Variants in SLC15A1 observed in about 807,000 individuals in gnomAD.
SLC15A1 encodes the protein solute carrier family 15 member 1.
Under a neutral mutation model 92.9 loss-of-function variants are expected in SLC15A1, and 83 were observed. The ratio of observed to expected loss-of-function variants is 0.89; its 90% CI spans 0.75 to 1.07. SLC15A1 has a LOEUF of 1.07. SLC15A1 is among the 50% of genes least tolerant of loss of function. SLC15A1 has a pLI of 0.00. For synonymous variants in SLC15A1, 322 were observed against 318.2 expected (o/e 1.01, Z -0.13); for missense variants, 857 against 880.1 (o/e 0.97, Z 0.33).
intron 18 of SLC15A1, among the ~76,000 whole-genome samples, chr13:98,694,901 A>G (rs951835863): frequency 3.3e-5 from 5 of 151,308 alleles, no homozygotes; most frequent in Non-Finnish European, 5.9e-5. Context: ...GGTGGCATGC[A>G]CCTGTAGTCC....
At chr13:98,710,521 A>C (rs2088152691) in intron 11 of SLC15A1, among the ~76,000 whole-genome samples, 1 of 152,188 alleles carries the variant, frequency 6.6e-6, no homozygotes, top group Non-Finnish European at 1.5e-5. Context: ...ACATCATAGA[A>C]AGTCAGGAAA....
rs181820575 is a variant in SLC15A1, at chr13:98,702,960, C to A, written c.1417-431G>T. Among the ~76,000 whole-genome samples the A allele has an allele frequency of 2.9e-4, 29 of 100,892 alleles. No homozygotes were observed. The East Asian group carries it at 6.3e-3, about 22-fold the overall frequency. 66.2% of individuals were successfully genotyped at this position (100,892 alleles called of 152,430 possible). A position where few individuals can be genotyped will look rare whatever the true frequency, so the allele number is the denominator to read the frequency against. ...TCCAGATGGTGCAACAGGGGGAGAT[C>A]CTGTCTCAAAAAAAAAAAAAAAAAA... On this transcript the variant is annotated intron_variant, in intron 17 of 22. Coordinates refer to ENST00000376503, the MANE Select transcript of SLC15A1 (RefSeq NM_005073.4).
chr13:98,709,369 G>C (rs2088142155), intron 14 of SLC15A1, among the ~76,000 whole-genome samples: 1 of 152,180 alleles, frequency 6.6e-6, no homozygotes, highest in African/African-American at 2.4e-5. Context: ...CTTGATTAAA[G>C]GCCTTTTCAG....
chr13:98,714,782 AT>A (rs201513125), intron 9 of SLC15A1, among the ~76,000 whole-genome samples: 184 of 151,378 alleles, frequency 1.2e-3, no homozygotes, highest in Middle Eastern at 6.8e-3. Flanking sequence ...CACACATGTG[AT>A]TTTTTTTTAA....
intron 18 of SLC15A1, among the ~76,000 whole-genome samples, chr13:98,689,225 C>T (rs1391586285): frequency 6.6e-6 from 1 of 152,104 alleles, no homozygotes; most frequent in Non-Finnish European, 1.5e-5. Context: ...CAGGTGGGAG[C>T]CACTGCGCCT....
intron 18 of SLC15A1, among the ~76,000 whole-genome samples, chr13:98,688,898 C>A (rs1158327254): frequency 6.6e-6 from 1 of 152,170 alleles, no homozygotes; most frequent in Non-Finnish European, 1.5e-5. Flanking sequence ...AGCCTCTTCC[C>A]TTCAAGAAGG....
chr13:98,731,031 C>A (rs143434162), intron 1 of SLC15A1, among the ~76,000 whole-genome samples: 66 of 152,346 alleles, frequency 4.3e-4, no homozygotes, highest in African/African-American at 1.5e-3. Flanking sequence ...ACAGTCACGG[C>A]TTCTCTGACG....
At chr13:98,704,876 C>G (rs1566446877) in intron 16 of SLC15A1, among the ~76,000 whole-genome samples, 1 of 152,036 alleles carries the variant, frequency 6.6e-6, no homozygotes, top group Non-Finnish European at 1.5e-5. Flanking sequence ...CATGGCTAAA[C>G]AGGAACGAGA....
At chr13:98,712,626 C>A in intron 9 of SLC15A1, 42 bp from the exon 10 acceptor site, 4 of 1,428,358 alleles carry the variant, frequency 2.8e-6, no homozygotes, top group Non-Finnish European at 3.9e-6. Context: ...ACAGGACCAA[C>A]AACTTTGTCA....
chr13:98,728,356 T>C (rs2088319521), intron 1 of SLC15A1, among the ~76,000 whole-genome samples: 1 of 152,218 alleles, frequency 6.6e-6, no homozygotes, highest in Non-Finnish European at 1.5e-5. Flanking sequence ...ATATGAATTT[T>C]AGGATTTTTT....
chr13:98,746,329 C>T (rs560111061), intron 1 of SLC15A1, among the ~76,000 whole-genome samples: 126 of 152,214 alleles, frequency 8.3e-4, no homozygotes, highest in African/African-American at 2.6e-3. Context: ...CTTCAGTGAA[C>T]ATATGTGTGC....
At chr13:98,714,878 T>C (rs1228957956) in intron 9 of SLC15A1, among the ~76,000 whole-genome samples, 1 of 152,138 alleles carries the variant, frequency 6.6e-6, no homozygotes, top group Non-Finnish European at 1.5e-5. Context: ...AAAAATCATT[T>C]GATTCCATTA....
chr13:98,748,313 GAC>G (rs1240080687), intron 1 of SLC15A1, among the ~76,000 whole-genome samples: 2 of 152,022 alleles, frequency 1.3e-5, no homozygotes, highest in Non-Finnish European at 2.9e-5. Context: ...TGTTGCTTCA[GAC>G]ACAGTTTCTC....
chr13:98,752,532 C>T (rs1373313259), intron 1 of SLC15A1, 63 bp downstream of exon 1: 2 of 1,260,862 alleles, frequency 1.6e-6, no homozygotes, highest in South Asian at 2.8e-5. Context: ...CCCTCGGTGC[C>T]GGCCCCCGCC....
chr13:98,719,149 A>T, intron 8 of SLC15A1, 88 bp downstream of exon 8: 1 of 866,850 alleles, frequency 1.2e-6, no homozygotes, highest in Non-Finnish European at 1.9e-6. Context: ...GCCACTTGTT[A>T]CATGCACTTT....
chr13:98,718,773 C>T (rs1465831191), intron 8 of SLC15A1, among the ~76,000 whole-genome samples: 1 of 152,196 alleles, frequency 6.6e-6, no homozygotes, highest in African/African-American at 2.4e-5. Flanking sequence ...CACACCATTG[C>T]ACTCCAGCCT....
intron 18 of SLC15A1, among the ~76,000 whole-genome samples, chr13:98,694,077 T>A (rs1379165833): frequency 6.6e-6 from 1 of 152,202 alleles, no homozygotes; most frequent in Non-Finnish European, 1.5e-5. Context: ...AACTTCAGTC[T>A]TTTGCATGTG....
At chr13:98,721,411 G>A (rs1302334961) in intron 7 of SLC15A1, 84 bp downstream of exon 7, 1 of 939,444 alleles carries the variant, frequency 1.1e-6, no homozygotes, top group African/African-American at 1.6e-5. Context: ...AGGGCAGAAG[G>A]GAAGAACAGA....
intron 18 of SLC15A1, among the ~76,000 whole-genome samples, chr13:98,690,715 C>G (rs1268392822): frequency 2.6e-5 from 4 of 152,150 alleles, no homozygotes; most frequent in African/African-American, 9.7e-5. Flanking sequence ...TTACCCACAC[C>G]TAGACGGTGC....
Sources: allele counts gnomAD v4.1 joint callset (sites outside exome capture counted in the v4.1 genomes callset), GRCh38; gene constraint gnomAD v4.1.1; transcripts MANE v1.5; gene names NCBI Gene and HGNC (gene_info 2026-07-23, HGNC 2026-07-21).